Variants in SOX6 observed in about 807,000 individuals in gnomAD.
SOX6 encodes SRY-box transcription factor 6, also known as transcription factor SOX-6.
SOX6 carries 11 observed loss-of-function variants against 97.8 expected under a neutral mutation model. That is an observed-to-expected ratio of 0.11 (90% CI 0.07 to 0.19). SOX6 has a LOEUF of 0.19. SOX6 is among the 10% of genes least tolerant of loss of function. The pLI, the probability that SOX6 is intolerant of heterozygous loss-of-function variation, is 1.00. For missense variants in SOX6, 810 were observed against 1,039.5 expected, an observed-to-expected ratio of 0.78 and a Z score of 3.04; for synonymous variants, 360 against 371.4, an observed-to-expected ratio of 0.97 and a Z score of 0.35.
chr11:16,193,592 T>G (rs1851689666), intron 4 of SOX6, among the ~76,000 whole-genome samples: 1 of 152,114 alleles, frequency 6.6e-6, no homozygotes, highest in Admixed American at 6.6e-5. Flanking sequence ...AATGTCTGTG[T>G]TTAGAGTAGT....
At chr11:16,559,388 C>A (rs1847784038) in intron 4 of SOX6, among the ~76,000 whole-genome samples, 1 of 152,050 alleles carries the variant, frequency 6.6e-6, no homozygotes, top group South Asian at 2.1e-4. Context: ...CAGGCTAGTA[C>A]AAAGTCTTTG....
intron 4 of SOX6, among the ~76,000 whole-genome samples, chr11:16,187,216 G>A (rs546973491): frequency 6.6e-6 from 1 of 152,188 alleles, no homozygotes; most frequent in African/African-American, 2.4e-5. Context: ...TCTAAAAAAA[G>A]CAGACTTACC....
At chr11:16,011,012 T>A (rs944227325) in intron 13 of SOX6, among the ~76,000 whole-genome samples, 9 of 151,838 alleles carry the variant, frequency 5.9e-5, no homozygotes, top group Non-Finnish European at 1.3e-4. Flanking sequence ...AGCCCAGAGG[T>A]TCTTGTTTTT....
At chr11:16,445,139 A>G (rs150074809) in intron 1 of SOX6, among the ~76,000 whole-genome samples, 35 of 152,326 alleles carry the variant, frequency 2.3e-4, no homozygotes, top group African/African-American at 8.2e-4. Context: ...CAAGAATAGA[A>G]TACTTTTCTA....
chr11:16,235,291 T>A (rs550739529), intron 3 of SOX6, among the ~76,000 whole-genome samples: 2 of 152,196 alleles, frequency 1.3e-5, no homozygotes, highest in East Asian at 3.9e-4. Context: ...CCTATATAAA[T>A]GCCATTTATT....
intron 1 of SOX6, among the ~76,000 whole-genome samples, chr11:16,353,702 G>A (rs141808312): frequency 2.6e-5 from 4 of 152,102 alleles, no homozygotes; most frequent in African/African-American, 9.6e-5. Flanking sequence ...AATTGTTTGA[G>A]TTATCATTAT....
At chr11:16,653,781 A>T (rs1238193231) in intron 3 of SOX6, among the ~76,000 whole-genome samples, 1 of 152,150 alleles carries the variant, frequency 6.6e-6, no homozygotes, top group Non-Finnish European at 1.5e-5. Flanking sequence ...AAAAAATAAA[A>T]TGAAATGCAA....
At chr11:16,049,636 T>A in intron 11 of SOX6, 119 bp downstream of exon 11, 2 of 1,166,730 alleles carry the variant, frequency 1.7e-6, no homozygotes, top group Non-Finnish European at 2.5e-6. Flanking sequence ...GTAGAAAAGA[T>A]AAGAGTATTA....
chr11:16,294,477 G>T (rs1279443898), intron 3 of SOX6, among the ~76,000 whole-genome samples: 1 of 151,942 alleles, frequency 6.6e-6, no homozygotes, highest in African/African-American at 2.4e-5. Flanking sequence ...TGTTAATCTG[G>T]TGTGGTACAT....
At chr11:16,429,830 A>G (rs1048107075) in intron 1 of SOX6, among the ~76,000 whole-genome samples, 1 of 152,160 alleles carries the variant, frequency 6.6e-6, no homozygotes, top group African/African-American at 2.4e-5. Flanking sequence ...AAAGTTAAAA[A>G]TAAATAAATA....
chr11:16,477,763 CA>C (rs1344472401), upstream of SOX6, among the ~76,000 whole-genome samples: 4 of 152,160 alleles, frequency 2.6e-5, no homozygotes, highest in African/African-American at 9.7e-5. Context: ...TAAGCATCAA[CA>C]GCTAACATAC....
At chr11:16,378,007 AG>A (rs550490651) in intron 1 of SOX6, among the ~76,000 whole-genome samples, 139 of 152,276 alleles carry the variant, frequency 9.1e-4, no homozygotes, top group African/African-American at 3.2e-3. Flanking sequence ...TCTTCGAACT[AG>A]CTATCTAGGA....
chr11:16,523,355 A>C (rs1423896755), intron 4 of SOX6, among the ~76,000 whole-genome samples: 1 of 152,224 alleles, frequency 6.6e-6, no homozygotes, highest in Non-Finnish European at 1.5e-5. Flanking sequence ...ACTACATGGA[A>C]ACTGAACAAC....
chr11:16,056,978 A>T (rs1279433401), intron 9 of SOX6, among the ~76,000 whole-genome samples: 1 of 152,164 alleles, frequency 6.6e-6, no homozygotes, highest in Non-Finnish European at 1.5e-5. Context: ...AAACAACAAC[A>T]ACAAAAAGAG....
chr11:16,170,090 G>T (rs1276019210), intron 6 of SOX6, among the ~76,000 whole-genome samples: 1 of 151,980 alleles, frequency 6.6e-6, no homozygotes, highest in Non-Finnish European at 1.5e-5. Flanking sequence ...GGCTGTCTTT[G>T]TTGGGCTTCG....
At chr11:16,668,520 A>G (rs565793813) in intron 3 of SOX6, among the ~76,000 whole-genome samples, 67 of 152,326 alleles carry the variant, frequency 4.4e-4, no homozygotes, top group African/African-American at 6.7e-4. Flanking sequence ...CAACCAGAAA[A>G]CAAATAACAA....
At chr11:16,412,417 A>G (rs1036228964) in intron 1 of SOX6, among the ~76,000 whole-genome samples, 2 of 152,200 alleles carry the variant, frequency 1.3e-5, no homozygotes, top group African/African-American at 2.4e-5. Context: ...GGCTGTATGC[A>G]TTACAACACT....
chr11:16,507,020 T>C (rs1054367771), intron 4 of SOX6, among the ~76,000 whole-genome samples: 1 of 152,056 alleles, frequency 6.6e-6, no homozygotes, highest in Non-Finnish European at 1.5e-5. Context: ...GCCAAGATCA[T>C]ACCATTGCAC....
At chr11:16,416,580 G>C (rs976784385) in intron 1 of SOX6, among the ~76,000 whole-genome samples, 1 of 152,126 alleles carries the variant, frequency 6.6e-6, no homozygotes, top group South Asian at 2.1e-4. Context: ...CATTTCAACA[G>C]GTTGCCAGCT....
Sources: allele counts gnomAD v4.1 joint callset (sites outside exome capture counted in the v4.1 genomes callset), GRCh38; gene constraint gnomAD v4.1.1; transcripts MANE v1.5; gene names NCBI Gene and HGNC (gene_info 2026-07-23, HGNC 2026-07-21).